The following TIAM2 variants were observed in gnomAD, a reference collection of about 807,000 sequenced individuals.
TIAM2 encodes TIAM Rac1 associated GEF 2.
Under a neutral mutation model 152.9 loss-of-function variants are expected in TIAM2, and 80 were observed. The ratio of observed to expected loss-of-function variants is 0.52; its 90% confidence interval spans 0.44 to 0.63. The LOEUF is 0.63. Among genes scored for constraint, TIAM2 ranks in the 30% least tolerant of loss-of-function variants. The pLI, the probability that TIAM2 is intolerant of heterozygous loss-of-function variation, is 0.00. For synonymous variants in TIAM2, 804 were observed against 838.0 expected (o/e 0.96, Z 0.70); for missense variants, 1,965 against 2,120.1 (o/e 0.93, Z 1.44).
At chr6:155,043,860 C>T (rs1474447707) in intron 1 of TIAM2, among the ~76,000 whole-genome samples, 21 of 151,926 alleles carry the variant, frequency 1.4e-4, no homozygotes, top group Admixed American at 1.3e-3. Context: ...TCTGACAGCT[C>T]CCTTGGTCTC....
At position 155,146,382 on chromosome 6, in the gene TIAM2, GCAA is replaced by G. The variant is rs548396205; in HGVS notation, c.1803+1616_1803+1618del. On this transcript the variant is annotated intron_variant, in intron 6 of 26. Transcript: ENST00000682666. ...GGCGACAGAGTGAGACCCTGTCTTA[GCAA>G]CAACAACAACAGAATTTTCCCAGGT... Among the ~76,000 whole-genome samples, 291 of 152,086 alleles carry G rather than the reference GCAA, an allele frequency of 1.9e-3. 1 individual carries two copies. The highest frequency in any genetic ancestry group is 6.7e-3 in the African/African-American group (277 of 41,502).
rs1784155198 is a variant in TIAM2 at position 155,257,646 on chromosome 6, A to G, written c.*525A>G. 3 of 627,830 alleles carry G rather than the reference A, an allele frequency of 4.8e-6. No homozygotes were observed. The highest frequency in any genetic ancestry group is 3.7e-5 in the African/African-American group (2 of 54,294). 38.9% of individuals were successfully genotyped at this position (627,830 alleles called of 1,614,324 possible). A position where few individuals can be genotyped will look rare whatever the true frequency, so the allele number is the denominator to read the frequency against. ...AACTATCTATACAGTATATATTAAA[A>G]GAAAGCTTGTACTGTATCTTATTTG... On this transcript the variant is annotated 3_prime_UTR_variant, in exon 27 of 27. Transcript: ENST00000682666.
intron 1 of TIAM2, among the ~76,000 whole-genome samples, chr6:155,028,041 T>G: frequency 1.6e-5 from 2 of 128,948 alleles, no homozygotes; most frequent in Non-Finnish European, 3.1e-5. Flanking sequence ...ATATAATATA[T>G]GTACTGTGTT....
intron 1 of TIAM2, among the ~76,000 whole-genome samples, chr6:155,030,656 C>G (rs2114889437): frequency 6.6e-6 from 1 of 152,304 alleles, no homozygotes; most frequent in South Asian, 2.1e-4. Flanking sequence ...AGAATGTTAG[C>G]TACTTTCTCC....
intron 15 of TIAM2, among the ~76,000 whole-genome samples, chr6:155,226,774 G>T (rs1394410064): frequency 6.6e-6 from 1 of 152,204 alleles, no homozygotes; most frequent in Non-Finnish European, 1.5e-5. Context: ...TTCAGGTGGT[G>T]ACATAGTCCC....
intron 9 of TIAM2, among the ~76,000 whole-genome samples, chr6:155,167,802 G>A (rs1780484580): frequency 6.6e-6 from 1 of 152,098 alleles, no homozygotes; most frequent in Admixed American, 6.6e-5. Context: ...GAGCACTTAT[G>A]TTTTGTGAAC....
chr6:155,129,690 G>A lies in TIAM2; in HGVS notation c.467G>A (p.Arg156His), dbSNP rs773676319. 11 of 1,613,960 alleles carry A rather than the reference G, an allele frequency of 6.8e-6. No individual in the cohort carries two copies. Among genetic ancestry groups the A allele is most frequent in the African/African-American group, 5.3e-5 (4 of 74,932 alleles). ...SIASTPPGEDRKSPRVLIKTL... is the reference protein window; with the variant it reads ...SIASTPPGEDHKSPRVLIKTL... ...GCCTCCACCCCACCGGGCGAAGACC[G>A]CAAGAGCCCCCGAGTGCTCATCAAA... Residue 156 changes from arginine to histidine, a missense_variant, in exon 4 of 27, where the codon CGC becomes CAC. Around this residue, in one of 3 missense-constraint regions of TIAM2, gnomAD observed 1,025 missense variants for 1,119.4 expected, o/e 0.92. Transcript: ENST00000682666. This position sits in a 1 kb window ranked among gnomAD's most constrained non-coding sequence, Gnocchi z 4.8.
chr6:155,140,460 G>C (rs949818966), intron 5 of TIAM2, among the ~76,000 whole-genome samples: 1 of 152,086 alleles, frequency 6.6e-6, no homozygotes, highest in African/African-American at 2.4e-5. Context: ...AATTCTGTGA[G>C]AATTTCTTCC....
intron 1 of TIAM2, among the ~76,000 whole-genome samples, chr6:155,004,596 G>A (rs1248371215): frequency 2.0e-5 from 3 of 151,924 alleles, no homozygotes; most frequent in African/African-American, 7.2e-5. Flanking sequence ...GGGTTTCACC[G>A]TGTTAGCGAG....
At chr6:155,152,707 C>T (rs1185014886) in intron 7 of TIAM2, among the ~76,000 whole-genome samples, 1 of 151,992 alleles carries the variant, frequency 6.6e-6, no homozygotes, top group Non-Finnish European at 1.5e-5. Flanking sequence ...AAGGGATGCC[C>T]AGCTTGGAGT....
rs1472887632 is a variant in TIAM2, at chr6:155,129,904, C to T, written c.681C>T (p.Arg227=). The change falls in exon 4 of 27, where the codon CGC becomes CGT. Residue 227 remains arginine, a synonymous_variant. Coordinates refer to ENST00000682666, the MANE Select transcript of TIAM2 (RefSeq NM_012454.4). The surrounding 1 kb of genome is among the most constrained non-coding windows in gnomAD (Gnocchi z 4.8). The part of the protein sequence containing the change: ...GSSADSLPSH[R]PSPTDSRLRS... ...GCGCCGATTCCCTGCCCAGCCATCG[C>T]CCCTCTCCCACGGACTCTCGCCTGC... 9.3e-6 allele frequency: 15 copies of T among 1,613,748 alleles called. No individual in the cohort carries two copies. The highest frequency in any genetic ancestry group is 1.3e-5 in the Non-Finnish European group (15 of 1,180,030).
intron 14 of TIAM2, among the ~76,000 whole-genome samples, chr6:155,203,476 G>T (rs549069103): frequency 6.6e-6 from 1 of 152,176 alleles, no homozygotes; most frequent in Non-Finnish European, 1.5e-5. Flanking sequence ...TTCAAATAAA[G>T]TACGTTATTT....
chr6:155,084,637 T>C (rs1369912045), intron 1 of TIAM2, among the ~76,000 whole-genome samples: 1 of 152,196 alleles, frequency 6.6e-6, no homozygotes, highest in Admixed American at 6.5e-5. Flanking sequence ...ACGGTCTTTT[T>C]GTAACTTGGC....
intron 1 of TIAM2, among the ~76,000 whole-genome samples, chr6:155,082,371 C>T (rs980307402): frequency 2.6e-5 from 4 of 151,888 alleles, no homozygotes; most frequent in African/African-American, 9.7e-5. Flanking sequence ...ATAAAATAGG[C>T]CAGGCACTGT....
At chr6:155,091,498 G>C (rs1201622414) in intron 2 of TIAM2, among the ~76,000 whole-genome samples, 1 of 152,178 alleles carries the variant, frequency 6.6e-6, no homozygotes, top group East Asian at 1.9e-4. Context: ...CACACTGGAG[G>C]ATATTTAAAA....
chr6:155,176,681 CT>C, intron 9 of TIAM2, 134 bp from the exon 10 acceptor site: 1 of 854,296 alleles, frequency 1.2e-6, no homozygotes, highest in South Asian at 1.7e-5. Flanking sequence ...CCTCAGAGGG[CT>C]GTGAGAAGCC....
chr6:155,245,526 A>G (rs1433850183), intron 18 of TIAM2, 97 bp from the exon 19 acceptor site: 24 of 1,007,238 alleles, frequency 2.4e-5, no homozygotes, highest in Non-Finnish European at 1.7e-5. Flanking sequence ...CATTAGTGCT[A>G]TGGAATCTGA....
chr6:155,073,051 T>A (rs192163930), intron 1 of TIAM2, among the ~76,000 whole-genome samples: 2 of 152,290 alleles, frequency 1.3e-5, no homozygotes, highest in African/African-American at 4.8e-5. Context: ...AATTGGTGTT[T>A]TTCATGCCTA....
At chr6:154,999,631 C>T (rs189606045) in intron 1 of TIAM2, among the ~76,000 whole-genome samples, 98 of 152,330 alleles carry the variant, frequency 6.4e-4, no homozygotes, top group Non-Finnish European at 1.2e-3. Context: ...AGCTTTGCTT[C>T]TGCAGACCAT....
Sources: gnomAD v4.1 joint callset for allele counts (sites outside exome capture counted in the v4.1 genomes callset) on GRCh38, gnomAD v4.1.1 for gene constraint, gnomAD v4.1.1 regional missense constraint, Gnocchi (gnomAD v3.1) non-coding constraint, MANE v1.5 for transcripts, NCBI Gene and HGNC (gene_info 2026-07-23, HGNC 2026-07-21) for gene names.